SYT1: variants seen among roughly 807,000 people sequenced by gnomAD.
SYT1 encodes the protein synaptotagmin 1.
SYT1 carries 8 observed loss-of-function variants against 44.8 expected under a neutral mutation model. The observed-to-expected ratio is 0.18, with a 90% CI of 0.10 to 0.32. The LOEUF (loss-of-function observed/expected upper bound fraction) is 0.32. Ranked by LOEUF, SYT1 falls within the 10% of genes least tolerant of loss-of-function variation. The pLI, the probability that SYT1 is intolerant of heterozygous loss-of-function variation, is 1.00. For synonymous variants in SYT1, 154 were observed against 188.8 expected (o/e 0.82, Z 1.51); for missense variants, 286 against 509.3 (o/e 0.56, Z 4.22).
At chr12:79,383,244 C>G (rs1884299237) in intron 9 of SYT1, among the ~76,000 whole-genome samples, 1 of 152,006 alleles carries the variant, frequency 6.6e-6, no homozygotes, top group Non-Finnish European at 1.5e-5. Flanking sequence ...AGGCTACAAA[C>G]CTTTAGAGAA....
At chr12:79,077,705 T>C (rs909617269) in intron 3 of SYT1, among the ~76,000 whole-genome samples, 1 of 152,210 alleles carries the variant, frequency 6.6e-6, no homozygotes, top group Non-Finnish European at 1.5e-5. Flanking sequence ...ACATACTTTC[T>C]GCTTTTCAAT....
intron 8 of SYT1, among the ~76,000 whole-genome samples, chr12:79,342,665 A>C (rs1485539989): frequency 6.6e-6 from 1 of 152,240 alleles, no homozygotes; most frequent in Non-Finnish European, 1.5e-5. Flanking sequence ...AAGTGAACTT[A>C]TTGAGAGATT....
At chr12:79,129,124 G>C (rs1868638125) in intron 3 of SYT1, among the ~76,000 whole-genome samples, 1 of 152,040 alleles carries the variant, frequency 6.6e-6, no homozygotes, top group Admixed American at 6.6e-5. Flanking sequence ...GTGTACTTTG[G>C]TGAAAATTTT....
intron 4 of SYT1, among the ~76,000 whole-genome samples, chr12:79,269,671 C>G (rs1878316733): frequency 6.6e-6 from 1 of 151,946 alleles, no homozygotes; most frequent in Non-Finnish European, 1.5e-5. Context: ...TCGGGTACCA[C>G]ATATTACCAA....
intron 1 of SYT1, chr12:78,964,182 A>T (rs17046119): frequency 6.6e-6 from 1 of 152,034 alleles, no homozygotes; most frequent in African/African-American, 2.4e-5. Flanking sequence ...AGGATGAATG[A>T]AAAAAAGATG....
At chr12:79,291,206 G>A (rs1381643661) in intron 5 of SYT1, among the ~76,000 whole-genome samples, 2 of 152,126 alleles carry the variant, frequency 1.3e-5, no homozygotes, top group Non-Finnish European at 2.9e-5. Context: ...GTATTCAATT[G>A]GTCAGACTGA....
chr12:79,304,711 G>C (rs1195050197), intron 8 of SYT1, among the ~76,000 whole-genome samples: 1 of 152,052 alleles, frequency 6.6e-6, no homozygotes, highest in Non-Finnish European at 1.5e-5. Flanking sequence ...GAAAGAATTA[G>C]TTCTAGGGAG....
At chr12:79,138,713 A>G (rs562732814) in intron 3 of SYT1, among the ~76,000 whole-genome samples, 9 of 152,336 alleles carry the variant, frequency 5.9e-5, no homozygotes, top group Non-Finnish European at 1.0e-4. Context: ...GCATACATGT[A>G]GTAGGTTCTC....
intron 3 of SYT1, among the ~76,000 whole-genome samples, chr12:79,066,490 T>TAA (rs1038808316): frequency 3.5e-4 from 49 of 139,768 alleles, no homozygotes; most frequent in African/African-American, 1.2e-3. Flanking sequence ...AAAAAAAAAT[T>TAA]AAAAAAAAAA....
chr12:79,039,940 A>G (rs1873423131), intron 2 of SYT1, among the ~76,000 whole-genome samples: 1 of 146,364 alleles, frequency 6.8e-6, no homozygotes, highest in African/African-American at 2.5e-5. Flanking sequence ...TGTCCCTACA[A>G]AGGACATGAA....
At chr12:79,445,650 G>A (rs1409453765) in intron 10 of SYT1, among the ~76,000 whole-genome samples, 1 of 151,678 alleles carries the variant, frequency 6.6e-6, no homozygotes, top group Non-Finnish European at 1.5e-5. Flanking sequence ...TGGCCGAATA[G>A]TATTCCATTG....
chr12:79,043,556 C>A lies in SYT1; in HGVS notation c.-83-3741C>A, dbSNP rs1391797566. 2.0e-5 allele frequency among the ~76,000 whole-genome samples: 3 copies of A among 151,102 alleles called. No homozygotes were observed. The East Asian group carries it at 5.8e-4, about 29-fold the overall frequency. On this transcript the variant is annotated intron_variant, in intron 2 of 10. Transcript: ENST00000261205. ...AGATGGGTTTCCTGAATACAGCACA[C>A]TGATGGGTCTTGACTCTTTATCCAA...
intron 4 of SYT1, among the ~76,000 whole-genome samples, chr12:79,247,578 T>C (rs987088294): frequency 3.3e-5 from 5 of 152,116 alleles, no homozygotes; most frequent in African/African-American, 2.4e-5. Context: ...GGTAAAAACA[T>C]ATATTCCCTT....
chr12:79,447,611 T>C (rs1870809689), intron 10 of SYT1, among the ~76,000 whole-genome samples: 1 of 152,198 alleles, frequency 6.6e-6, no homozygotes, highest in Non-Finnish European at 1.5e-5. Flanking sequence ...CATTACAATA[T>C]GATTGCTTCC....
At chr12:79,196,455 C>T (rs1013496885) in intron 3 of SYT1, among the ~76,000 whole-genome samples, 2 of 152,128 alleles carry the variant, frequency 1.3e-5, no homozygotes, top group East Asian at 1.9e-4. Flanking sequence ...CATGAGCCAT[C>T]GCACCCGGCT....
chr12:79,035,763 C>T (rs1035051444), intron 2 of SYT1, among the ~76,000 whole-genome samples: 2 of 151,776 alleles, frequency 1.3e-5, no homozygotes, highest in South Asian at 4.1e-4. Context: ...CCCCTGCTCA[C>T]CCCTGCAGAC....
rs578204171 is a variant in SYT1, at chr12:79,436,836, A to C, written c.929-7237A>C. Among the ~76,000 whole-genome samples the C allele has an allele frequency of 2.6e-5, 4 of 152,274 alleles. No individual in the cohort carries two copies. The South Asian group carries it at 8.3e-4, about 32-fold the overall frequency. On this transcript the variant is annotated intron_variant, in intron 9 of 10. Coordinates refer to ENST00000261205, the MANE Select transcript of SYT1 (RefSeq NM_005639.3). ...AATTCAAAACATATTTTGCCATAGG[A>C]ATCTTATTTTTTTAAGTTATTAGAT...
intron 8 of SYT1, among the ~76,000 whole-genome samples, chr12:79,352,613 A>G (rs1340836602): frequency 3.3e-5 from 5 of 152,174 alleles, no homozygotes; most frequent in Non-Finnish European, 5.9e-5. Context: ...AATTCTACTT[A>G]TGTTGAACAA....
chr12:79,405,034 C>G (rs1565944231), intron 9 of SYT1, among the ~76,000 whole-genome samples: 1 of 152,122 alleles, frequency 6.6e-6, no homozygotes, highest in Non-Finnish European at 1.5e-5. Context: ...TACCAGCAGG[C>G]CATTGATTGG....
Sources: allele counts gnomAD v4.1 joint callset (sites outside exome capture counted in the v4.1 genomes callset), GRCh38; gene constraint gnomAD v4.1.1; transcripts MANE v1.5; gene names NCBI Gene and HGNC (gene_info 2026-07-23, HGNC 2026-07-21).